The following CALN1 variants were observed in gnomAD, a reference collection of about 807,000 sequenced individuals.
CALN1 encodes the protein calneuron 1, also known as calcium-binding protein 8.
A neutral mutation model predicts 30.6 loss-of-function variants in CALN1; 17 were observed. The observed-to-expected ratio is 0.56, with a 90% CI of 0.38 to 0.83. The LOEUF is 0.83. CALN1 is among the 40% of genes least tolerant of loss of function. The pLI, the probability that CALN1 is intolerant of heterozygous loss-of-function variation, is 0.00. For synonymous variants in CALN1, 156 were observed against 131.4 expected, an observed-to-expected ratio of 1.19 and a Z score of -1.28; for missense variants, 291 against 354.9, an observed-to-expected ratio of 0.82 and a Z score of 1.45.
chr7:72,273,989 A>C (rs967013379), intron 3 of CALN1, among the ~76,000 whole-genome samples: 1 of 152,202 alleles, frequency 6.6e-6, no homozygotes, highest in Non-Finnish European at 1.5e-5. Context: ...GACTTTTATT[A>C]TGAATATATA....
Position 71,783,393 on chromosome 7 carries a change from G to A in CALN1, c.*4382C>T, listed in dbSNP as rs2115771717. 6.6e-6 allele frequency: 1 copy of A among 152,308 alleles called. No homozygotes were observed. The highest frequency in any genetic ancestry group is 6.5e-5 in the Admixed American group (1 of 15,294). The allele number at this position is 152,308 out of a possible 1,614,324, so 9.4% of individuals were successfully genotyped here. A position where few individuals can be genotyped will look rare whatever the true frequency, so the allele number is the denominator to read the frequency against. On this transcript the variant is annotated 3_prime_UTR_variant, in exon 7 of 7. Coordinates refer to ENST00000395275, the MANE Select transcript of CALN1 (RefSeq NM_031468.4). The stretch of plus-strand genomic sequence containing the variant: ...ACCCCCCCTGTTATCTTGGTGAAAT[G>A]GTAAAAAATGTAATGACTATGGGCC...
intron 2 of CALN1, among the ~76,000 whole-genome samples, chr7:72,399,386 T>G (rs1806189477): frequency 6.7e-6 from 1 of 148,960 alleles, no homozygotes; most frequent in Admixed American, 6.8e-5. Context: ...TTCTCCTGCC[T>G]CAGCCTCCCG....
chr7:72,464,772 G>A, the CALN1 span, among the ~76,000 whole-genome samples: 1 of 152,192 alleles, frequency 6.6e-6, no homozygotes, highest in Admixed American at 6.5e-5. Context: ...GTTGGCTAAT[G>A]GGTCTCACTT....
chr7:72,047,090 C>G (rs188125887), intron 4 of CALN1, among the ~76,000 whole-genome samples: 1 of 151,886 alleles, frequency 6.6e-6, no homozygotes, highest in African/African-American at 2.4e-5. Context: ...AAAATGAAAA[C>G]TAGTGGGGAA....
chr7:72,194,588 G>GCC (rs1790853336), intron 3 of CALN1, among the ~76,000 whole-genome samples: 1 of 142,870 alleles, frequency 7.0e-6, no homozygotes, highest in Non-Finnish European at 1.5e-5. Flanking sequence ...CTCCTAACTG[G>GCC]CCTCTTTTTT....
chr7:71,803,030 GAAAAAGAAA>G (rs1279390122), intron 6 of CALN1, among the ~76,000 whole-genome samples: 16 of 151,296 alleles, frequency 1.1e-4, no homozygotes, highest in Non-Finnish European at 1.8e-4. Flanking sequence ...TCTCAAAAAA[GAAAAAGAAA>G]AAGAAAAAAA....
intron 1 of CALN1, among the ~76,000 whole-genome samples, chr7:72,411,600 A>G (rs746555786): frequency 1.3e-5 from 2 of 152,220 alleles, no homozygotes; most frequent in Non-Finnish European, 2.9e-5. Context: ...GTCTCAAAAT[A>G]CCACTTCCGG....
At chr7:72,454,824 T>C in the CALN1 span, among the ~76,000 whole-genome samples, 1 of 151,302 alleles carries the variant, frequency 6.6e-6, no homozygotes, top group African/African-American at 2.4e-5. Context: ...TACTGATCTC[T>C]TCTCTGGTCT....
At chr7:72,213,930 T>C (rs547244111) in intron 3 of CALN1, among the ~76,000 whole-genome samples, 8 of 152,282 alleles carry the variant, frequency 5.3e-5, no homozygotes, top group African/African-American at 1.9e-4. Context: ...GGCGCTGTTG[T>C]GGCATTTGCT....
At chr7:71,983,052 C>G (rs1487967035) in intron 5 of CALN1, among the ~76,000 whole-genome samples, 1 of 152,190 alleles carries the variant, frequency 6.6e-6, no homozygotes, top group African/African-American at 2.4e-5. Flanking sequence ...AAACATCACA[C>G]CTGGTCCAAC....
intron 1 of CALN1, among the ~76,000 whole-genome samples, chr7:72,406,628 C>CTTTTTTTTT (rs71914682): frequency 8.3e-5 from 12 of 144,772 alleles, no homozygotes; most frequent in East Asian, 6.2e-4. Flanking sequence ...TTTTTTTTTT[C>CTTTTTTTTT]TTTTTTAAGA....
chr7:72,392,633 A>C (rs1453790926), intron 2 of CALN1, among the ~76,000 whole-genome samples: 2 of 152,154 alleles, frequency 1.3e-5, no homozygotes, highest in African/African-American at 2.4e-5. Flanking sequence ...TCTATTGACT[A>C]ATCCTCTCCC....
At chr7:72,458,191 A>AATATATAATATATT in the CALN1 span, among the ~76,000 whole-genome samples, 4 of 82,288 alleles carry the variant, frequency 4.9e-5, no homozygotes, top group African/African-American at 1.6e-4. Context: ...TATTTAATAT[A>AATATATAATATATT]TTATAATATA....
intron 3 of CALN1, among the ~76,000 whole-genome samples, chr7:72,265,318 G>C (rs754696738): frequency 2.6e-5 from 4 of 152,216 alleles, no homozygotes; most frequent in Non-Finnish European, 4.4e-5. Context: ...GGATGCCACT[G>C]TGAAGAGAGA....
rs150661301 is a variant in CALN1 at position 72,342,770 on chromosome 7, A to C, written c.119+60481T>G. On this transcript the variant is annotated intron_variant, in intron 2 of 6. Coordinates refer to ENST00000395275, the MANE Select transcript of CALN1 (RefSeq NM_031468.4). ...CTTTTTTATTTTACCATCAGTAAAT[A>C]TATCTACTTCAAGTGCCCAAGACAC... Among the ~76,000 whole-genome samples the C allele has an allele frequency of 2.6e-3, 399 of 152,300 alleles. 1 individual carries two copies. Among genetic ancestry groups the C allele is most frequent in the Non-Finnish European group, 4.0e-3 (270 of 68,034 alleles).
At chr7:71,794,581 C>T (rs567603863) in intron 6 of CALN1, among the ~76,000 whole-genome samples, 2 of 152,272 alleles carry the variant, frequency 1.3e-5, no homozygotes, top group Admixed American at 6.5e-5. Flanking sequence ...TTGCTCTGCT[C>T]ATCTCAAGAA....
chr7:71,909,914 G>T (rs1013510049), intron 5 of CALN1, among the ~76,000 whole-genome samples: 7 of 152,190 alleles, frequency 4.6e-5, no homozygotes, highest in African/African-American at 1.7e-4. Flanking sequence ...ATAAAGAAAA[G>T]AAGTTTAATG....
intron 2 of CALN1, among the ~76,000 whole-genome samples, chr7:72,392,483 G>C (rs568016117): frequency 6.6e-6 from 1 of 152,156 alleles, no homozygotes; most frequent in African/African-American, 2.4e-5. Context: ...ACTGAGGAAG[G>C]GGCACATAGT....
intron 6 of CALN1, among the ~76,000 whole-genome samples, chr7:71,796,078 G>A (rs981665101): frequency 1.3e-5 from 2 of 151,742 alleles, no homozygotes; most frequent in African/African-American, 4.8e-5. Context: ...ACCCGCCTTG[G>A]CCTCCCAAAG....
Sources: allele counts gnomAD v4.1 joint callset (sites outside exome capture counted in the v4.1 genomes callset), GRCh38; gene constraint gnomAD v4.1.1; transcripts MANE v1.5; gene names NCBI Gene and HGNC (gene_info 2026-07-23, HGNC 2026-07-21).